FADD: variants seen among roughly 807,000 people sequenced by gnomAD.
The protein encoded by FADD is FAS-associated death domain protein.
FADD carries 3 observed loss-of-function variants against 5.8 expected under a neutral mutation model. That is an observed-to-expected ratio of 0.52 (90% CI 0.24 to 1.34). The LOEUF (loss-of-function observed/expected upper bound fraction) is 1.34. Among genes scored for constraint, FADD ranks in the 40% most tolerant of loss-of-function variants. The probability of loss-of-function intolerance (pLI) is 0.17; values close to 1 mark genes in which losing one functional copy is unlikely to be tolerated. For synonymous variants in FADD, 138 were observed against 130.8 expected, an observed-to-expected ratio of 1.06 and a Z score of -0.38; for missense variants, 249 against 286.7, an observed-to-expected ratio of 0.87 and a Z score of 0.95.
In FADD at chr11:70,206,336, G is replaced by T. The variant is rs1398710943; in HGVS notation, c.490G>T (p.Ala164Ser). 2 of 1,614,076 alleles carry T rather than the reference G, an allele frequency of 1.2e-6. No individual in the cohort carries two copies. Among genetic ancestry groups the T allele is most frequent in the Non-Finnish European group, 1.7e-6 (2 of 1,180,036 alleles). Residue 164 changes from alanine (A) to serine (S), a missense_variant, in exon 2 of 2, where the codon GCT (alanine) becomes TCT (serine). Ala to Ser is a moderately conservative substitution (Grantham distance 99). Coordinates refer to ENST00000301838, the MANE Select transcript of FADD (RefSeq NM_003824.4). ...ENATVAHLVGALRSCQMNLVA... is the reference protein window; with the variant it reads ...ENATVAHLVGSLRSCQMNLVA... ...CGCAACAGTGGCCCACCTGGTGGGGGCTCTCAGGTCCTGCCAGATGAACCT... is the reference window on the plus strand; with the variant it reads ...CGCAACAGTGGCCCACCTGGTGGGGTCTCTCAGGTCCTGCCAGATGAACCT...
Position 70,206,643 on chromosome 11 carries a change from C to A in FADD, c.*170C>A. The A allele has an allele frequency of 1.5e-6, 1 of 654,686 alleles. No individual in the cohort carries two copies. 40.6% of individuals were successfully genotyped at this position (654,686 alleles called of 1,614,324 possible). On this transcript the variant is annotated 3_prime_UTR_variant, in exon 2 of 2. Transcript: ENST00000301838. ...TGCGTTTATTAATGCCTCTCCCGCACCAGGCCGGGCTTGGGCCCTGCACAG... is the reference window on the plus strand; with the variant it reads ...TGCGTTTATTAATGCCTCTCCCGCAACAGGCCGGGCTTGGGCCCTGCACAG...
rs2049435652 is a variant in FADD, at chr11:70,203,348, T to C, written c.-112T>C. The C allele has an allele frequency of 2.0e-6, 3 of 1,512,474 alleles. No homozygotes were observed. The highest frequency in any genetic ancestry group is 2.6e-6 in the Non-Finnish European group (3 of 1,132,144). The allele number at this position is 1,512,474 out of a possible 1,614,324, so 93.7% of individuals were successfully genotyped here. A position where few individuals can be genotyped will look rare whatever the true frequency, so the allele number is the denominator to read the frequency against. Reference sequence around the variant, plus strand: ...AGGCACCGGAGTGCAGGTTCGGGGGTGGAATCCTTGGGCCGCTGGGCAAGC... The same window carrying C: ...AGGCACCGGAGTGCAGGTTCGGGGGCGGAATCCTTGGGCCGCTGGGCAAGC... On this transcript the variant is annotated 5_prime_UTR_variant, in exon 1 of 2. Transcript: ENST00000301838.
In FADD at chr11:70,206,292, A is replaced by G. The variant is rs2135899929; in HGVS notation, c.446A>G (p.Lys149Arg). Reference protein sequence around the residue: ...ERVRESLRIWKNTEKENATVA... With the variant: ...ERVRESLRIWRNTEKENATVA... ...GTGCGGGAGTCACTGAGAATCTGGA[A>G]GAACACAGAGAAGGAGAACGCAACA... The change falls in exon 2 of 2, where the codon AAG becomes AGG. Residue 149 changes from lysine (K) to arginine (R), a missense_variant. Lys to Arg is a conservative substitution (Grantham distance 26). Coordinates refer to ENST00000301838, the MANE Select transcript of FADD (RefSeq NM_003824.4). The G allele has an allele frequency of 6.2e-7, 1 of 1,614,232 alleles. No homozygotes were observed. Among genetic ancestry groups the G allele is most frequent in the East Asian group, 2.2e-5 (1 of 44,890 alleles).
rs564633368 is a variant in FADD at position 70,203,343 on chromosome 11, G to A, written c.-117G>A. The A allele has an allele frequency of 1.3e-6, 2 of 1,508,006 alleles. No homozygotes were observed. Among genetic ancestry groups the A allele is most frequent in the South Asian group, 1.3e-5 (1 of 79,806 alleles). The allele number at this position is 1,508,006 out of a possible 1,614,324, so 93.4% of individuals were successfully genotyped here. A position where few individuals can be genotyped will look rare whatever the true frequency, so the allele number is the denominator to read the frequency against. On this transcript the variant is annotated 5_prime_UTR_variant, in exon 1 of 2. Coordinates refer to ENST00000301838, the MANE Select transcript of FADD (RefSeq NM_003824.4). ...GAATCAGGCACCGGAGTGCAGGTTC[G>A]GGGGTGGAATCCTTGGGCCGCTGGG...
Position 70,206,474 on chromosome 11 carries a change from T to C in FADD, c.*1T>C. 3 of 1,612,980 alleles carry C rather than the reference T, an allele frequency of 1.9e-6. No homozygotes were observed. Among genetic ancestry groups the C allele is most frequent in the South Asian group, 1.1e-5 (1 of 91,060 alleles). On this transcript the variant is annotated 3_prime_UTR_variant, in exon 2 of 2. Transcript: ENST00000301838. ...CGCATCTACCTCCGAAGCGTCCTGA[T>C]GGGCCGCTGCTTTGCGCTGGTGGAC...
chr11:70,206,271 G>T lies in FADD; in HGVS notation c.425G>T (p.Arg142Leu). The T allele has an allele frequency of 6.2e-7, 1 of 1,614,164 alleles. No homozygotes were observed. Among genetic ancestry groups the T allele is most frequent in the Non-Finnish European group, 8.5e-7 (1 of 1,180,012 alleles). Reference protein sequence around the residue: ...RYPRNLTERVRESLRIWKNTE... With the variant: ...RYPRNLTERVLESLRIWKNTE... ...CCCCGCAACCTGACAGAGCGTGTGC[G>T]GGAGTCACTGAGAATCTGGAAGAAC... The change falls in exon 2 of 2, where the codon CGG (arginine) becomes CTG (leucine). Residue 142 changes from arginine (R) to leucine (L), a missense_variant. Coordinates refer to ENST00000301838, the MANE Select transcript of FADD (RefSeq NM_003824.4).
chr11:70,203,711 G>T lies in FADD; in HGVS notation c.252G>T (p.Ala84=). 6.9e-7 allele frequency: 1 copy of T among 1,440,368 alleles called. No homozygotes were observed. The highest frequency in any genetic ancestry group is 9.1e-7 in the Non-Finnish European group (1 of 1,104,230). The allele number at this position is 1,440,368 out of a possible 1,614,324, so 89.2% of individuals were successfully genotyped here. The change falls in exon 1 of 2, where the codon GCG becomes GCT. Residue 84 remains alanine, a synonymous_variant. Coordinates refer to ENST00000301838, the MANE Select transcript of FADD (RefSeq NM_003824.4). The part of the protein sequence containing the change: ...DLLRRVDDFE[A]GAAAGAAPGE... Reference sequence around the variant, plus strand: ...TGCGGCGCGTCGACGACTTCGAGGCGGGGGCGGCGGCCGGGGCCGCGCCTG... The same window carrying T: ...TGCGGCGCGTCGACGACTTCGAGGCTGGGGCGGCGGCCGGGGCCGCGCCTG...
In FADD at chr11:70,206,270, C is replaced by T. The variant is rs1033281772; in HGVS notation, c.424C>T (p.Arg142Trp). 5.0e-6 allele frequency: 8 copies of T among 1,613,958 alleles called. No individual in the cohort carries two copies. Among genetic ancestry groups the T allele is most frequent in the South Asian group, 2.2e-5 (2 of 91,082 alleles). ...CCCCCGCAACCTGACAGAGCGTGTG[C>T]GGGAGTCACTGAGAATCTGGAAGAA... ...RYPRNLTERV[R>W]ESLRIWKNTE... Residue 142 changes from arginine to tryptophan, a missense_variant, in exon 2 of 2, where the codon CGG (arginine) becomes TGG (tryptophan). Physicochemically the swap from Arg to Trp is moderately radical, Grantham distance 101. Coordinates refer to ENST00000301838, the MANE Select transcript of FADD (RefSeq NM_003824.4).
Position 70,203,490 on chromosome 11 carries a change from G to A in FADD, c.31G>A (p.Val11Met), listed in dbSNP as rs753665798. MDPFLVLLHS[V>M]SSSLSSSELT... The stretch of plus-strand genomic sequence containing the variant: ...CCCGTTCCTGGTGCTGCTGCACTCG[G>A]TGTCGTCCAGCCTGTCGAGCAGCGA... Residue 11 changes from valine to methionine, a missense_variant, in exon 1 of 2, where the codon GTG (valine) becomes ATG (methionine). Coordinates refer to ENST00000301838, the MANE Select transcript of FADD (RefSeq NM_003824.4). 45 of 1,598,558 alleles carry A rather than the reference G, an allele frequency of 2.8e-5. No individual in the cohort carries two copies. The highest frequency in any genetic ancestry group is 3.7e-5 in the Non-Finnish European group (43 of 1,173,214).
At chr11:70,205,399 G>T (rs1565302000) in intron 1 of FADD, among the ~76,000 whole-genome samples, 1 of 152,184 alleles carries the variant, frequency 6.6e-6, no homozygotes, top group Non-Finnish European at 1.5e-5. Context: ...CATAACAAAT[G>T]ATCACAAATC....
In FADD at chr11:70,206,620, C is replaced by T. The variant is rs1463039914; in HGVS notation, c.*147C>T. The stretch of plus-strand genomic sequence containing the variant: ...ACCACCTGCTTCTGAACTCAAGCTG[C>T]GTTTATTAATGCCTCTCCCGCACCA... On this transcript the variant is annotated 3_prime_UTR_variant, in exon 2 of 2. Transcript: ENST00000301838. 9 of 727,764 alleles carry T rather than the reference C, an allele frequency of 1.2e-5. No homozygotes were observed. The East Asian group carries it at 1.6e-4, about 13-fold the overall frequency. The allele number at this position is 727,764 out of a possible 1,614,324, so 45.1% of individuals were successfully genotyped here. A position where few individuals can be genotyped will look rare whatever the true frequency, so the allele number is the denominator to read the frequency against.
At chr11:70,206,101 T>C in intron 1 of FADD, 32 bp from the exon 2 acceptor site, 1 of 1,586,106 alleles carries the variant, frequency 6.3e-7, no homozygotes, top group East Asian at 2.2e-5. Context: ...TCTCCAAACC[T>C]ATGGTAAACC....
chr11:70,206,803 T>TA lies in FADD; in HGVS notation c.*331dup, dbSNP rs1242063404. ...CTGTGCAGATGAGCAGTCACACTGT[T>TA]ACTCCACAGCGGAGGAGACCAGCTC... is the stretch of plus-strand genomic sequence containing the variant. On this transcript the variant is annotated 3_prime_UTR_variant, in exon 2 of 2. Transcript: ENST00000301838. The TA allele has an allele frequency of 3.0e-5, 11 of 363,940 alleles. No homozygotes were observed. The highest frequency in any genetic ancestry group is 1.3e-4 in the Admixed American group (3 of 23,586). The allele number at this position is 363,940 out of a possible 1,614,324, so 22.5% of individuals were successfully genotyped here.
Position 70,206,384 on chromosome 11 carries a change from G to A in FADD, c.538G>A (p.Val180Ile). ...CCTGGTGGCTGACCTGGTACAAGAG[G>A]TTCAGCAGGCCCGTGACCTCCAGAA... The part of the protein sequence containing the change: ...MNLVADLVQE[V>I]QQARDLQNRS... The change falls in exon 2 of 2, where the codon GTT (valine) becomes ATT (isoleucine). Residue 180 changes from valine to isoleucine, a missense_variant. Transcript: ENST00000301838. The A allele has an allele frequency of 6.2e-7, 1 of 1,614,162 alleles. No homozygotes were observed. The highest frequency in any genetic ancestry group is 1.3e-5 in the African/African-American group (1 of 75,056).
In FADD at chr11:70,206,167, T is replaced by C. The variant is rs761634220; in HGVS notation, c.321T>C (p.Asn107=). The part of the protein sequence containing the change: ...LCAAFNVICD[N]VGKDWRRLAR... ...CAGCATTTAACGTCATATGTGATAA[T>C]GTGGGGAAAGATTGGAGAAGGCTGG... is the stretch of plus-strand genomic sequence containing the variant. The change falls in exon 2 of 2, where the codon AAT becomes AAC. Residue 107 remains asparagine (N), a synonymous_variant. Transcript: ENST00000301838. 3 of 1,614,060 alleles carry C rather than the reference T, an allele frequency of 1.9e-6. No homozygotes were observed. The highest frequency in any genetic ancestry group is 2.2e-5 in the East Asian group (1 of 44,874).
Position 70,206,383 on chromosome 11 carries a change from G to A in FADD, c.537G>A (p.Glu179=), listed in dbSNP as rs1348863788. The change falls in exon 2 of 2, where the codon GAG becomes GAA. Residue 179 remains glutamate (E), a synonymous_variant. Transcript: ENST00000301838. ...QMNLVADLVQ[E]VQQARDLQNR... ...ACCTGGTGGCTGACCTGGTACAAGA[G>A]GTTCAGCAGGCCCGTGACCTCCAGA... is the stretch of plus-strand genomic sequence containing the variant. 9 of 1,614,146 alleles carry A rather than the reference G, an allele frequency of 5.6e-6. No homozygotes were observed. The highest frequency in any genetic ancestry group is 7.6e-6 in the Non-Finnish European group (9 of 1,180,026).
In FADD at chr11:70,206,300, GAGA is replaced by G. The variant is rs2049459432; in HGVS notation, c.457_459del (p.Lys153del). ...GTCACTGAGAATCTGGAAGAACACA[GAGA>G]AGGAGAACGCAACAGTGGCCCACCT... is the stretch of plus-strand genomic sequence containing the variant. On this transcript the variant is annotated inframe_deletion, in exon 2 of 2. Coordinates refer to ENST00000301838, the MANE Select transcript of FADD (RefSeq NM_003824.4). 2.5e-6 allele frequency: 4 copies of G among 1,614,070 alleles called. No individual in the cohort carries two copies. The highest frequency in any genetic ancestry group is 3.4e-6 in the Non-Finnish European group (4 of 1,180,034).
rs2135898131 is a variant in FADD at position 70,203,680 on chromosome 11, A to C, written c.221A>C (p.Asp74Ala). 6.6e-7 allele frequency: 1 copy of C among 1,524,816 alleles called. No homozygotes were observed. Among genetic ancestry groups the C allele is most frequent in the Non-Finnish European group, 8.8e-7 (1 of 1,141,086 alleles). The allele number at this position is 1,524,816 out of a possible 1,614,324, so 94.5% of individuals were successfully genotyped here. ...CTGCTCGCCTCCCTGCGGCGCCACG[A>C]CCTGCTGCGGCGCGTCGACGACTTC... Reference protein sequence around the residue: ...RELLASLRRHDLLRRVDDFEA... With the variant: ...RELLASLRRHALLRRVDDFEA... The change falls in exon 1 of 2, where the codon GAC becomes GCC. Residue 74 changes from aspartate to alanine, a missense_variant. By Grantham distance (126) the Asp-to-Ala change is moderately radical. Coordinates refer to ENST00000301838, the MANE Select transcript of FADD (RefSeq NM_003824.4).
rs863224871 is a variant in FADD, at chr11:70,203,505, TCGAGCAG to T, written c.52_58del (p.Ser18Ter). 5 of 1,606,574 alleles carry T rather than the reference TCGAGCAG, an allele frequency of 3.1e-6. No individual in the cohort carries two copies. The highest frequency in any genetic ancestry group is 1.3e-5 in the African/African-American group (1 of 74,730). ...GCTGCACTCGGTGTCGTCCAGCCTG[TCGAGCAG>T]CGAGCTGACCGAGCTCAAGTTCCTA... On this transcript the variant is annotated frameshift_variant, in exon 1 of 2. Coordinates refer to ENST00000301838, the MANE Select transcript of FADD (RefSeq NM_003824.4). LOFTEE classifies it high-confidence loss of function.
Sources: allele counts gnomAD v4.1 joint callset (sites outside exome capture counted in the v4.1 genomes callset), GRCh38; gene constraint gnomAD v4.1.1; transcripts MANE v1.5; gene names NCBI Gene and HGNC (gene_info 2026-07-23, HGNC 2026-07-21).